The following NOX4 variants were observed in gnomAD, a reference collection of about 807,000 sequenced individuals.
NOX4 encodes NADPH oxidase 4, also known as kidney oxidase-1.
A neutral mutation model predicts 87.6 loss-of-function variants in NOX4; 69 were observed. The observed-to-expected ratio is 0.79, with a 90% confidence interval of 0.65 to 0.96. The LOEUF (loss-of-function observed/expected upper bound fraction) is 0.96. Ranked by LOEUF, NOX4 falls within the 40% of genes least tolerant of loss-of-function variation. The probability of loss-of-function intolerance (pLI) is 0.00; values close to 1 mark genes in which losing one functional copy is unlikely to be tolerated. For missense variants in NOX4, 680 were observed against 681.5 expected (o/e 1.00, Z 0.02); for synonymous variants, 275 against 238.2 (o/e 1.15, Z -1.42).
At chr11:89,441,983 AAT>A (rs1394627495) in intron 5 of NOX4, among the ~76,000 whole-genome samples, 3 of 147,530 alleles carry the variant, frequency 2.0e-5, no homozygotes, top group Non-Finnish European at 4.5e-5. Flanking sequence ...TCAATATATA[AAT>A]ATATCAATAT....
At chr11:89,479,489 A>G (rs1245633194) in intron 2 of NOX4, among the ~76,000 whole-genome samples, 13 of 152,160 alleles carry the variant, frequency 8.5e-5, no homozygotes, top group Non-Finnish European at 1.5e-4. Flanking sequence ...TCCATTAGAA[A>G]AAAAACACTC....
intron 4 of NOX4, among the ~76,000 whole-genome samples, chr11:89,447,673 C>T (rs1233381947): frequency 2.0e-4 from 30 of 152,162 alleles, no homozygotes; most frequent in Non-Finnish European, 5.9e-5. Flanking sequence ...CTTGGTTGCT[C>T]TCCAGTTGAA....
Position 89,326,731 on chromosome 11 carries a change from G to C in NOX4, c.*25C>G. 1 of 1,606,778 alleles carries C rather than the reference G, an allele frequency of 6.2e-7. No homozygotes were observed. The highest frequency in any genetic ancestry group is 8.5e-7 in the Non-Finnish European group (1 of 1,175,638). On this transcript the variant is annotated 3_prime_UTR_variant, in exon 18 of 18. Transcript: ENST00000263317. ...AGAAATTGCACTCATTCCTTCTTTAGAGTCCTGCTTCATGGCAAAAGTTTT... is the reference window on the plus strand; with the variant it reads ...AGAAATTGCACTCATTCCTTCTTTACAGTCCTGCTTCATGGCAAAAGTTTT...
chr11:89,496,642 T>TA (rs1946955855), upstream of NOX4, among the ~76,000 whole-genome samples: 1 of 151,438 alleles, frequency 6.6e-6, no homozygotes, highest in South Asian at 2.1e-4. Flanking sequence ...TTGCTGCAAT[T>TA]AGGGCAATTT....
At chr11:89,557,300 T>C in the NOX4 span, 1 of 152,164 alleles carries the variant, frequency 6.6e-6, no homozygotes, top group South Asian at 2.1e-4. Flanking sequence ...CAGCATGAAC[T>C]TGAACAATAA....
chr11:89,422,282 T>A (rs776939090), intron 7 of NOX4, among the ~76,000 whole-genome samples: 8 of 142,312 alleles, frequency 5.6e-5, no homozygotes, highest in Non-Finnish European at 1.0e-4. Context: ...AAGCAGATAG[T>A]AGTCTGCTAA....
At chr11:89,553,714 G>A in the NOX4 span, among the ~76,000 whole-genome samples, 3 of 151,888 alleles carry the variant, frequency 2.0e-5, no homozygotes, top group African/African-American at 7.3e-5. Context: ...ATTTTATATA[G>A]CCAAGCAGAT....
At chr11:89,526,794 T>C in the NOX4 span, among the ~76,000 whole-genome samples, 29 of 152,298 alleles carry the variant, frequency 1.9e-4, no homozygotes, top group African/African-American at 5.1e-4. Flanking sequence ...CTTTTTCCTC[T>C]ATAAATTACC....
chr11:89,544,861 C>A, the NOX4 span, among the ~76,000 whole-genome samples: 2 of 151,932 alleles, frequency 1.3e-5, no homozygotes, highest in East Asian at 3.9e-4. Context: ...TTTATAACAC[C>A]CTAAAATTTG....
chr11:89,457,504 C>T (rs780441046), intron 2 of NOX4, among the ~76,000 whole-genome samples: 8 of 152,256 alleles, frequency 5.3e-5, no homozygotes, highest in East Asian at 3.9e-4. Flanking sequence ...CTCAGCCCCC[C>T]GAGTGAATCA....
chr11:89,341,118 T>C (rs1286397498), intron 14 of NOX4, among the ~76,000 whole-genome samples: 5 of 149,586 alleles, frequency 3.3e-5, no homozygotes, highest in African/African-American at 9.9e-5. Flanking sequence ...GGTCAGACAA[T>C]TTCACCTTTT....
rs113257368 is a variant in NOX4 at position 89,440,484 on chromosome 11, C to T, written c.475+204G>A. Among the ~76,000 whole-genome samples, 682 of 151,870 alleles carry T rather than the reference C, an allele frequency of 4.5e-3. 2 individuals are homozygous for T. Among genetic ancestry groups the T allele is most frequent in the Non-Finnish European group, 7.3e-3 (498 of 67,906 alleles). On this transcript the variant is annotated intron_variant, in intron 6 of 17. Coordinates refer to ENST00000263317, the MANE Select transcript of NOX4 (RefSeq NM_016931.5). ...ACAGGCACTTGCCACCCACCATGCC[C>T]GGCTAATTTTTTGTGTTTTTAGTAG...
chr11:89,573,841 TA>T, the NOX4 span, among the ~76,000 whole-genome samples: 38 of 152,164 alleles, frequency 2.5e-4, no homozygotes, highest in African/African-American at 8.9e-4. Flanking sequence ...ATTCTTCCCT[TA>T]GGGGGAGCTG....
chr11:89,487,028 G>T (rs910814892), intron 2 of NOX4, among the ~76,000 whole-genome samples: 8 of 151,978 alleles, frequency 5.3e-5, no homozygotes, highest in South Asian at 4.2e-4. Context: ...TATATGACTT[G>T]CTTTATGTTT....
the NOX4 span, among the ~76,000 whole-genome samples, chr11:89,507,175 G>A: frequency 2.0e-5 from 3 of 151,806 alleles, no homozygotes. Context: ...ATGTTATAGA[G>A]GGATTACAAA....
intron 12 of NOX4, among the ~76,000 whole-genome samples, chr11:89,372,813 G>A (rs1273978967): frequency 6.6e-6 from 1 of 151,944 alleles, no homozygotes. Context: ...AACATTTACT[G>A]AGTACTCACT....
At chr11:89,460,223 G>A (rs1418387972) in intron 2 of NOX4, among the ~76,000 whole-genome samples, 1 of 152,132 alleles carries the variant, frequency 6.6e-6, no homozygotes, top group African/African-American at 2.4e-5. Flanking sequence ...AGAAAACCTA[G>A]GCAATACCAT....
intron 8 of NOX4, among the ~76,000 whole-genome samples, chr11:89,407,454 G>C (rs1942250388): frequency 6.6e-6 from 1 of 152,036 alleles, no homozygotes; most frequent in South Asian, 2.1e-4. Context: ...TGAAGTATCT[G>C]TGGAATGTCT....
intron 2 of NOX4, among the ~76,000 whole-genome samples, chr11:89,460,692 A>G (rs1239631832): frequency 6.6e-6 from 1 of 152,146 alleles, no homozygotes; most frequent in Non-Finnish European, 1.5e-5. Flanking sequence ...AAACAGGAAC[A>G]CTTTTACACT....
Sources: gnomAD v4.1 joint callset for allele counts (sites outside exome capture counted in the v4.1 genomes callset) on GRCh38, gnomAD v4.1.1 for gene constraint, MANE v1.5 for transcripts, NCBI Gene and HGNC (gene_info 2026-07-23, HGNC 2026-07-21) for gene names.